The following MAF variants were observed in gnomAD, a reference collection of about 807,000 sequenced individuals.
The protein encoded by MAF is transcription factor Maf.
In MAF, 10 loss-of-function variants were observed where a neutral mutation model predicts 22.0. That is an observed-to-expected ratio of 0.45 (90% CI 0.28 to 0.77). The LOEUF (loss-of-function observed/expected upper bound fraction) is 0.77. MAF is among the 30% of genes least tolerant of loss of function. The pLI is 0.12. For missense variants in MAF, 544 were observed against 548.4 expected, an observed-to-expected ratio of 0.99 and a Z score of 0.08; for synonymous variants, 337 against 255.8, an observed-to-expected ratio of 1.32 and a Z score of -3.03.
the MAF span, among the ~76,000 whole-genome samples, chr16:79,439,236 G>A: frequency 2.0e-5 from 3 of 149,560 alleles, no homozygotes; most frequent in Non-Finnish European, 3.0e-5. Context: ...CATCCCTATC[G>A]TCCTATGGGG....
At chr16:79,471,965 G>A in the MAF span, among the ~76,000 whole-genome samples, 1 of 152,158 alleles carries the variant, frequency 6.6e-6, no homozygotes, top group East Asian at 1.9e-4. Context: ...TCATGCGTAA[G>A]ACAAAGTGTA....
the MAF span, among the ~76,000 whole-genome samples, chr16:79,537,699 C>A: frequency 6.6e-6 from 1 of 152,160 alleles, no homozygotes; most frequent in African/African-American, 2.4e-5. Context: ...GCCATGAGAT[C>A]CACCACCTTG....
the MAF span, among the ~76,000 whole-genome samples, chr16:79,505,128 C>G: frequency 6.6e-6 from 1 of 152,206 alleles, no homozygotes; most frequent in African/African-American, 2.4e-5. Context: ...TTTATTAACT[C>G]ATTTTTAAAC....
the MAF span, among the ~76,000 whole-genome samples, chr16:79,324,639 C>T: frequency 6.6e-6 from 1 of 152,082 alleles, no homozygotes; most frequent in African/African-American, 2.4e-5. Flanking sequence ...GCAGCAGAGT[C>T]CAGATGCAAA....
chr16:79,423,979 G>C, the MAF span, among the ~76,000 whole-genome samples: 1 of 152,130 alleles, frequency 6.6e-6, no homozygotes, highest in African/African-American at 2.4e-5. Flanking sequence ...AGATTCATTA[G>C]CCTGCTACAA....
chr16:79,204,250 G>A, the MAF span: 1 of 152,132 alleles, frequency 6.6e-6, no homozygotes, highest in African/African-American at 2.4e-5. Context: ...ATGGATATAA[G>A]ACATCATCAA....
At chr16:79,303,447 C>T in the MAF span, among the ~76,000 whole-genome samples, 2 of 152,104 alleles carry the variant, frequency 1.3e-5, no homozygotes, top group African/African-American at 2.4e-5. Flanking sequence ...CTCAACACTA[C>T]CCAGGCAGCA....
the MAF span, among the ~76,000 whole-genome samples, chr16:79,367,451 A>C: frequency 3.3e-5 from 5 of 152,182 alleles, no homozygotes; most frequent in Non-Finnish European, 7.4e-5. Context: ...GTCAGAACAA[A>C]TTCACTGGGG....
chr16:79,419,907 T>C, the MAF span, among the ~76,000 whole-genome samples: 39 of 138,720 alleles, frequency 2.8e-4, no homozygotes, highest in African/African-American at 1.1e-3. Context: ...ATTTTAAATC[T>C]CCCGGAAAAA....
the MAF span, among the ~76,000 whole-genome samples, chr16:79,284,770 G>A: frequency 6.6e-6 from 1 of 152,040 alleles, no homozygotes; most frequent in African/African-American, 2.4e-5. Flanking sequence ...GGGAAATCTG[G>A]GCACTATGAG....
chr16:79,556,313 T>C, the MAF span, among the ~76,000 whole-genome samples: 1 of 152,240 alleles, frequency 6.6e-6, no homozygotes, highest in Non-Finnish European at 1.5e-5. Flanking sequence ...GAATACCCAG[T>C]AGATTCCTAC....
At chr16:79,581,769 C>T (rs1912534432), downstream of MAF, among the ~76,000 whole-genome samples, 1 of 152,134 alleles carries the variant, frequency 6.6e-6, no homozygotes, top group South Asian at 2.1e-4. Flanking sequence ...TCAGGCTCAC[C>T]GTACTGATGA....
chr16:79,427,533 C>T, the MAF span, among the ~76,000 whole-genome samples: 7 of 152,160 alleles, frequency 4.6e-5, no homozygotes, highest in Non-Finnish European at 8.8e-5. Flanking sequence ...GGAGAGCTGG[C>T]GTGCATTGGC....
At chr16:79,532,522 C>T in the MAF span, among the ~76,000 whole-genome samples, 2 of 152,182 alleles carry the variant, frequency 1.3e-5, no homozygotes, top group African/African-American at 4.8e-5. Context: ...GGACTGTTCT[C>T]GACTCCGGAG....
chr16:79,598,608 G>GTT, intron 1 of MAF, 177 bp downstream of exon 1: 8 of 1,496,560 alleles, frequency 5.3e-6, no homozygotes, highest in Non-Finnish European at 7.1e-6. Flanking sequence ...GTGTGTGTGT[G>GTT]TGGTGTGTGC....
At chr16:79,350,416 T>G in the MAF span, among the ~76,000 whole-genome samples, 2 of 152,224 alleles carry the variant, frequency 1.3e-5, no homozygotes, top group African/African-American at 4.8e-5. Flanking sequence ...CGAAATTCTA[T>G]AGCAGATAAA....
At chr16:79,215,600 G>C in the MAF span, among the ~76,000 whole-genome samples, 3 of 152,148 alleles carry the variant, frequency 2.0e-5, no homozygotes, top group Non-Finnish European at 4.4e-5. Context: ...GGATCCTGCA[G>C]GGTTCACATC....
chr16:79,443,466 C>T, the MAF span, among the ~76,000 whole-genome samples: 4 of 152,162 alleles, frequency 2.6e-5, no homozygotes, highest in East Asian at 1.9e-4. Flanking sequence ...CCTGGGCTTC[C>T]TGGGGGCAGT....
At chr16:79,571,401 C>A in the MAF span, among the ~76,000 whole-genome samples, 1 of 152,000 alleles carries the variant, frequency 6.6e-6, no homozygotes, top group Non-Finnish European at 1.5e-5. Context: ...TGATTCATGC[C>A]AAATCCCTAA....
Sources: allele counts gnomAD v4.1 joint callset (sites outside exome capture counted in the v4.1 genomes callset), GRCh38; gene constraint gnomAD v4.1.1; transcripts MANE v1.5; gene names NCBI Gene and HGNC (gene_info 2026-07-23, HGNC 2026-07-21).